Variants in ACSL5 observed in about 807,000 individuals in gnomAD.
ACSL5 encodes the protein acyl-CoA synthetase long chain family member 5.
Under a neutral mutation model 84.9 loss-of-function variants are expected in ACSL5, and 50 were observed. The observed-to-expected ratio is 0.59, with a 90% CI of 0.47 to 0.75. The LOEUF (loss-of-function observed/expected upper bound fraction) is 0.75. ACSL5 is among the 30% of genes least tolerant of loss of function. The pLI is 0.00. For missense variants in ACSL5, 775 were observed against 830.4 expected, an observed-to-expected ratio of 0.93 and a Z score of 0.82; for synonymous variants, 280 against 300.7, an observed-to-expected ratio of 0.93 and a Z score of 0.71.
chr10:112,395,074 A>C lies in ACSL5; in HGVS notation c.128A>C (p.Asp43Ala). The change falls in exon 2 of 21, where the codon GAC (aspartate) becomes GCC (alanine). Residue 43 changes from aspartate to alanine, a missense_variant. Coordinates refer to ENST00000354655, the MANE Select transcript of ACSL5 (RefSeq NM_203379.2). The part of the protein sequence containing the change: ...TRPQPVLPLL[D>A]LNNQSVGIEG... ...CCTCAACCCGTCTTACCTCTTCTTGACCTGAACAATCAGTCTGTGGGAATT... is the reference window on the plus strand; with the variant it reads ...CCTCAACCCGTCTTACCTCTTCTTGCCCTGAACAATCAGTCTGTGGGAATT... 3.1e-6 allele frequency: 5 copies of C among 1,613,912 alleles called. No individual in the cohort carries two copies. The highest frequency in any genetic ancestry group is 4.2e-6 in the Non-Finnish European group (5 of 1,179,984).
At chr10:112,408,314 A>AT in intron 5 of ACSL5, 108 bp from the exon 6 acceptor site, 1 of 717,044 alleles carries the variant, frequency 1.4e-6, no homozygotes, top group South Asian at 1.8e-5. Flanking sequence ...AAAAAAAAAA[A>AT]GCAAAACAAA....
At chr10:112,382,672 T>C (rs987558051) in intron 1 of ACSL5, among the ~76,000 whole-genome samples, 2 of 152,210 alleles carry the variant, frequency 1.3e-5, no homozygotes, top group Non-Finnish European at 2.9e-5. Flanking sequence ...AACGCCCTAA[T>C]GATTTATTTA....
chr10:112,413,098 T>C (rs1161989658), intron 11 of ACSL5, 75 bp from the exon 12 acceptor site: 1 of 1,541,744 alleles, frequency 6.5e-7, no homozygotes, highest in East Asian at 2.3e-5. Flanking sequence ...GCCCACCTCC[T>C]GAATTCCTTC....
At position 112,426,829 on chromosome 10, in the gene ACSL5, G is replaced by C; in HGVS notation, c.1881G>C (p.Gly627=). 1 of 1,613,958 alleles carries C rather than the reference G, an allele frequency of 6.2e-7. No homozygotes were observed. Among genetic ancestry groups the C allele is most frequent in the Non-Finnish European group, 8.5e-7 (1 of 1,179,882 alleles). The change falls in exon 20 of 21, where the codon GGG becomes GGC. Residue 627 remains glycine, a synonymous_variant. Coordinates refer to ENST00000354655, the MANE Select transcript of ACSL5 (RefSeq NM_203379.2). ...EAILEDLQKI[G]KESGLKTFEQ... ...TTTTAGAAGACTTGCAGAAAATTGG[G>C]AAAGAAAGTGGCCTTAAAACTTTTG...
chr10:112,383,114 TAAAAAC>T (rs923328376), intron 1 of ACSL5, among the ~76,000 whole-genome samples: 1 of 152,028 alleles, frequency 6.6e-6, no homozygotes, highest in Non-Finnish European at 1.5e-5. Context: ...ACAAAAAACT[TAAAAAC>T]AAAAAACAAA....
intron 5 of ACSL5, among the ~76,000 whole-genome samples, chr10:112,407,630 G>A (rs1054204414): frequency 1.3e-5 from 2 of 152,120 alleles, no homozygotes; most frequent in Non-Finnish European, 2.9e-5. Context: ...CGACACATGG[G>A]GATTATGGGA....
At position 112,394,940 on chromosome 10, in the gene ACSL5, C is replaced by T. The variant is rs150175034; in HGVS notation, c.-7C>T. The stretch of plus-strand genomic sequence containing the variant: ...AAGGTCTGAATTTCCTGCTGCTGTT[C>T]ACAAAGATGCTTTTTATCTTTAACT... On this transcript the variant is annotated 5_prime_UTR_variant, in exon 2 of 21. Coordinates refer to ENST00000354655, the MANE Select transcript of ACSL5 (RefSeq NM_203379.2). 1.7e-5 allele frequency: 28 copies of T among 1,613,036 alleles called. No individual in the cohort carries two copies. In the African/African-American group the frequency reaches 2.8e-4, roughly 16 times the overall value.
At position 112,422,303 on chromosome 10, in the gene ACSL5, G is replaced by T. The variant is rs561815402; in HGVS notation, c.1477-22G>T. On this transcript the variant is annotated intron_variant, in intron 16 of 20. Transcript: ENST00000354655. Reference sequence around the variant, plus strand: ...AGGAGCAGCCTTTGCTATTGTCACCGCCTTGTATGTCTGCTGTGCAGGTCT... The same window carrying T: ...AGGAGCAGCCTTTGCTATTGTCACCTCCTTGTATGTCTGCTGTGCAGGTCT... 5.0e-6 allele frequency: 8 copies of T among 1,599,340 alleles called. No individual in the cohort carries two copies. In the South Asian group the frequency reaches 5.5e-5, roughly 11 times the overall value.
At chr10:112,399,143 A>G in intron 3 of ACSL5, 134 bp downstream of exon 3, 1 of 735,194 alleles carries the variant, frequency 1.4e-6, no homozygotes, top group Non-Finnish European at 2.3e-6. Context: ...CATGCAAAAT[A>G]GAGGCAACAT....
chr10:112,376,522 C>A, intron 1 of ACSL5: 2 of 1,585,324 alleles, frequency 1.3e-6, no homozygotes, highest in Non-Finnish European at 1.7e-6. Flanking sequence ...AAGGGGGCAT[C>A]CTGACCCCCG....
Position 112,426,775 on chromosome 10 carries a change from T to A in ACSL5, c.1840-13T>A, listed in dbSNP as rs1327362390. The A allele has an allele frequency of 1.9e-6, 3 of 1,612,858 alleles. No individual in the cohort carries two copies. Among genetic ancestry groups the A allele is most frequent in the Admixed American group, 3.3e-5 (2 of 60,030 alleles). On this transcript the variant is annotated splice_polypyrimidine_tract_variant and intron_variant, in intron 19 of 20. Coordinates refer to ENST00000354655, the MANE Select transcript of ACSL5 (RefSeq NM_203379.2). Reference sequence around the variant, plus strand: ...GAAACAGCCATGCTTTAAGTGATGTTTTGTATTCTTAGGTTGTAAGGGAAG... The same window carrying A: ...GAAACAGCCATGCTTTAAGTGATGTATTGTATTCTTAGGTTGTAAGGGAAG...
intron 3 of ACSL5, 36 bp from the exon 4 acceptor site, chr10:112,404,475 A>G: frequency 6.5e-7 from 1 of 1,543,370 alleles, no homozygotes; most frequent in African/African-American, 1.4e-5. Context: ...AGAATTTGCA[A>G]CTGGAGTTGA....
chr10:112,386,971 G>A (rs961317436), intron 1 of ACSL5, among the ~76,000 whole-genome samples: 1 of 151,936 alleles, frequency 6.6e-6, no homozygotes, highest in Non-Finnish European at 1.5e-5. Flanking sequence ...TTCCTTAGAG[G>A]GTTTTTAGAA....
Position 112,409,576 on chromosome 10 carries a change from G to C in ACSL5, c.602G>C (p.Gly201Ala), listed in dbSNP as rs1335067286. Residue 201 changes from glycine (G) to alanine (A), a missense_variant, in exon 7 of 21, where the codon GGC becomes GCC. Physicochemically the swap from Gly to Ala is moderately conservative, Grantham distance 60. Transcript: ENST00000354655. ...GTGCTGATAGGGAATGTAGAGAAAG[G>C]CTTCACCCCGAGCCTGAAGGTGATC... ...ALVLIGNVEK[G>A]FTPSLKVIIL... 1.2e-6 allele frequency: 2 copies of C among 1,613,996 alleles called. No individual in the cohort carries two copies. Among genetic ancestry groups the C allele is most frequent in the Admixed American group, 3.3e-5 (2 of 59,996 alleles).
At position 112,398,158 on chromosome 10, in the gene ACSL5, C is replaced by T. The variant is rs1466755679; in HGVS notation, c.157-743C>T. ...TCGGCTCACTGCAAGCTCCGCCTCC[C>T]GGGTTCACGCCATTCTCCTGCCTCA... On this transcript the variant is annotated intron_variant, in intron 2 of 20. Coordinates refer to ENST00000354655, the MANE Select transcript of ACSL5 (RefSeq NM_203379.2). 1.3e-4 allele frequency among the ~76,000 whole-genome samples: 2 copies of T among 15,160 alleles called. 1 individual carries two copies. Among genetic ancestry groups the T allele is most frequent in the Non-Finnish European group, 2.7e-4 (2 of 7,452 alleles). 9.9% of individuals were successfully genotyped at this position (15,160 alleles called of 152,430 possible). A position where few individuals can be genotyped will look rare whatever the true frequency, so the allele number is the denominator to read the frequency against.
At chr10:112,416,434 G>A (rs1030981905) in intron 12 of ACSL5, among the ~76,000 whole-genome samples, 2 of 131,584 alleles carry the variant, frequency 1.5e-5, no homozygotes, top group South Asian at 4.8e-4. Flanking sequence ...TGGCGCCACT[G>A]CACTCCAGCC....
chr10:112,386,181 CTTTTTTTTTTT>C (rs11286757), intron 1 of ACSL5, among the ~76,000 whole-genome samples: 1 of 71,824 alleles, frequency 1.4e-5, no homozygotes. Context: ...TCCTATAGCT[CTTTTTTTTTTT>C]TTTTTTTTTT....
At position 112,409,547 on chromosome 10, in the gene ACSL5, AT is replaced by A. The variant is rs1220402250; in HGVS notation, c.575del (p.Leu192TrpfsTer3). ...TGATCTGTGACACACCCCAAAAGGC[AT>A]TGGTGCTGATAGGGAATGTAGAGAA... ...MVICDTPQKALVLIGNVEKGF... is the reference protein window; with the variant it reads ...MVICDTPQKAXVLIGNVEKGF... On this transcript the variant is annotated frameshift_variant, in exon 7 of 21. Coordinates refer to ENST00000354655, the MANE Select transcript of ACSL5 (RefSeq NM_203379.2). LOFTEE classifies it high-confidence loss of function. The A allele has an allele frequency of 6.2e-7, 1 of 1,613,928 alleles. No individual in the cohort carries two copies. Among genetic ancestry groups the A allele is most frequent in the Non-Finnish European group, 8.5e-7 (1 of 1,180,012 alleles).
rs749803475 is a variant in ACSL5 at position 112,394,979 on chromosome 10, A to T, written c.33A>T (p.Pro11=). 2.5e-6 allele frequency: 4 copies of T among 1,612,958 alleles called. No homozygotes were observed. The South Asian group carries it at 4.4e-5, about 18-fold the overall frequency. MLFIFNFLFS[P]LPTPALICIL... is the part of the protein sequence containing the mutation. ...TTATCTTTAACTTTTTGTTTTCCCC[A>T]CTTCCGACCCCGGCGTTGATCTGCA... The change falls in exon 2 of 21, where the codon CCA becomes CCT. Residue 11 remains proline (P), a synonymous_variant. Coordinates refer to ENST00000354655, the MANE Select transcript of ACSL5 (RefSeq NM_203379.2).
Sources: gnomAD v4.1 joint callset for allele counts (sites outside exome capture counted in the v4.1 genomes callset) on GRCh38, gnomAD v4.1.1 for gene constraint, MANE v1.5 for transcripts, NCBI Gene and HGNC (gene_info 2026-07-23, HGNC 2026-07-21) for gene names.